The following MOV10L1 variants were observed in gnomAD, a reference collection of about 807,000 sequenced individuals.
MOV10L1 encodes RNA helicase Mov10l1.
MOV10L1 carries 110 observed loss-of-function variants against 143.8 expected under a neutral mutation model. The observed-to-expected ratio is 0.76, with a 90% CI of 0.66 to 0.90. MOV10L1 has a LOEUF of 0.90. Among genes scored for constraint, MOV10L1 ranks in the 40% least tolerant of loss-of-function variants. The pLI is 0.00. For synonymous variants in MOV10L1, 593 were observed against 581.1 expected (o/e 1.02, Z -0.29); for missense variants, 1,406 against 1,526.8 (o/e 0.92, Z 1.32).
intron 9 of MOV10L1, among the ~76,000 whole-genome samples, chr22:50,119,202 G>A (rs2062266572): frequency 6.6e-6 from 1 of 152,164 alleles, no homozygotes; most frequent in Non-Finnish European, 1.5e-5. Flanking sequence ...TTAACATATT[G>A]TGTGGGAGCG....
chr22:50,112,415 C>T (rs879563464), intron 5 of MOV10L1, among the ~76,000 whole-genome samples: 16 of 152,226 alleles, frequency 1.1e-4, no homozygotes, highest in Non-Finnish European at 1.9e-4. Flanking sequence ...GAAGCTGTGG[C>T]GTCCCATTCT....
chr22:50,094,008 G>A (rs1602106044), intron 2 of MOV10L1: 1 of 152,354 alleles, frequency 6.6e-6, no homozygotes, highest in Non-Finnish European at 1.5e-5. Context: ...CTTGTAAGGG[G>A]GCCCCATGGC....
intron 19 of MOV10L1, chr22:50,149,254 A>AT (rs2063231265): frequency 4.6e-6 from 1 of 217,802 alleles, no homozygotes. Flanking sequence ...GGGCATTTTG[A>AT]TAATGACAGG....
At chr22:50,137,588 C>T (rs2062854574) in intron 15 of MOV10L1, among the ~76,000 whole-genome samples, 1 of 151,876 alleles carries the variant, frequency 6.6e-6, no homozygotes, top group South Asian at 2.1e-4. Flanking sequence ...GCCTGTAGAC[C>T]TAGCTACTCA....
chr22:50,155,874 G>A (rs1470882933), intron 22 of MOV10L1, among the ~76,000 whole-genome samples: 1 of 152,134 alleles, frequency 6.6e-6, no homozygotes, highest in African/African-American at 2.4e-5. Context: ...AACATAGCAA[G>A]ACCCTGTCTC....
At chr22:50,161,125 C>A in intron 26 of MOV10L1, 70 bp downstream of exon 26, 1 of 1,459,936 alleles carries the variant, frequency 6.8e-7, no homozygotes. Flanking sequence ...CCCTCCCCTG[C>A]TCCCCTCACC....
chr22:50,113,075 G>A (rs149609004), intron 5 of MOV10L1, among the ~76,000 whole-genome samples: 141 of 152,314 alleles, frequency 9.3e-4, no homozygotes, highest in Non-Finnish European at 1.6e-3. Context: ...TTACCTTCTG[G>A]AAAGAGGTTG....
chr22:50,150,779 G>A lies in MOV10L1; in HGVS notation c.2772G>A (p.Lys924=). 1 of 1,614,178 alleles carries A rather than the reference G, an allele frequency of 6.2e-7. No individual in the cohort carries two copies. Among genetic ancestry groups the A allele is most frequent in the Non-Finnish European group, 8.5e-7 (1 of 1,180,026 alleles). The stretch of plus-strand genomic sequence containing the variant: ...CCATGCAGCTCGGCCCAGTCATTAA[G>A]TCCAGACTCGCCATGGCCTATGGGC... ...GDPMQLGPVI[K]SRLAMAYGLN... The change falls in exon 21 of 27, where the codon AAG becomes AAA. Residue 924 remains lysine, a synonymous_variant. Transcript: ENST00000262794.
intron 3 of MOV10L1, among the ~76,000 whole-genome samples, chr22:50,102,392 C>T (rs962740933): frequency 3.3e-5 from 5 of 152,200 alleles, no homozygotes; most frequent in African/African-American, 1.2e-4. Flanking sequence ...AAAGGTGCGG[C>T]TGTGTCCTCA....
At chr22:50,141,998 A>C in intron 15 of MOV10L1, 83 bp from the exon 16 acceptor site, 1 of 1,008,138 alleles carries the variant, frequency 9.9e-7, no homozygotes, top group Non-Finnish European at 1.5e-6. Flanking sequence ...GTAGAACACT[A>C]GATGTTTACG....
rs114725370 is a variant in MOV10L1 at position 50,115,336 on chromosome 22, G to A, written c.1259+90G>A. ...GTTATAAAAGGTACTCCTTTGTGGC[G>A]GGTGGATCACCTGAGACCAGGAGTT... On this transcript the variant is annotated intron_variant, in intron 8 of 26. Coordinates refer to ENST00000262794, the MANE Select transcript of MOV10L1 (RefSeq NM_018995.3). 1.5e-3 allele frequency: 2,059 copies of A among 1,365,602 alleles called. 32 individuals are homozygous for A. In the African/African-American group the frequency reaches 0.029, roughly 19 times the overall value. The allele number at this position is 1,365,602 out of a possible 1,614,324, so 84.6% of individuals were successfully genotyped here.
At chr22:50,148,420 T>C (rs2147397431) in intron 19 of MOV10L1, among the ~76,000 whole-genome samples, 1 of 152,310 alleles carries the variant, frequency 6.6e-6, no homozygotes, top group African/African-American at 2.4e-5. Flanking sequence ...TCCCACAGCC[T>C]TCCCATGCAA....
In MOV10L1 at chr22:50,126,241, A is replaced by C. The variant is rs765513272; in HGVS notation, c.1787A>C (p.His596Pro). 3.1e-6 allele frequency: 5 copies of C among 1,612,612 alleles called. No homozygotes were observed. The highest frequency in any genetic ancestry group is 4.2e-6 in the Non-Finnish European group (5 of 1,178,618). ...LILKTQEYNG[H>P]AIEYISYVTE... is the part of the protein sequence containing the mutation. Reference sequence around the variant, plus strand: ...TTAAAAACTCAAGAGTACAATGGACATGCCATCGAATACATCAGCTACGTG... The same window carrying C: ...TTAAAAACTCAAGAGTACAATGGACCTGCCATCGAATACATCAGCTACGTG... The change falls in exon 12 of 27, where the codon CAT becomes CCT. Residue 596 changes from histidine to proline, a missense_variant. By Grantham distance (77) the His-to-Pro change is moderately conservative. Transcript: ENST00000262794.
At chr22:50,113,574 C>A in intron 5 of MOV10L1, 74 bp from the exon 6 acceptor site, 2 of 1,566,632 alleles carry the variant, frequency 1.3e-6, no homozygotes, top group Non-Finnish European at 1.7e-6. Context: ...AGCAGTCTAT[C>A]CTCAGGAGCG....
Position 50,114,466 on chromosome 22 carries a change from G to T in MOV10L1, c.970G>T (p.Asp324Tyr). ...KSKQFRFQML[D>Y]KDQMCPVVSF... ...TAAACAATTCAGATTCCAAATGCTG[G>T]ATAAAGACCAGATGTGCCCCGTGGT... The change falls in exon 7 of 27, where the codon GAT becomes TAT. Residue 324 changes from aspartate (D) to tyrosine (Y), a missense_variant. This residue lies in a region of MOV10L1 where 1,233 missense variants were observed against 1,351.4 expected (regional missense o/e 0.91). Transcript: ENST00000262794. 1 of 1,614,182 alleles carries T rather than the reference G, an allele frequency of 6.2e-7. No homozygotes were observed.
chr22:50,113,409 A>G (rs2147138811), intron 5 of MOV10L1, among the ~76,000 whole-genome samples: 1 of 152,342 alleles, frequency 6.6e-6, no homozygotes, highest in East Asian at 1.9e-4. Context: ...CACCGTTCTC[A>G]GACTCCTTGC....
chr22:50,099,444 T>C lies in MOV10L1; in HGVS notation c.284T>C (p.Val95Ala). 6.2e-7 allele frequency: 1 copy of C among 1,613,664 alleles called. No homozygotes were observed. ...TAGAGCGGTGTGTTTGTTTTACAGG[T>C]AGAAGCTGTCTCTGATAAGTGGGAA... ...KVSNGLKAIR[V>A]EAVSDKWEDD... is the part of the protein sequence containing the mutation. Residue 95 changes from valine to alanine, a missense_variant and splice_region_variant, in exon 3 of 27, where the codon GTA becomes GCA. This residue lies in a region of MOV10L1 where 166 missense variants were observed against 153.9 expected (regional missense o/e 1.08). Transcript: ENST00000262794.
intron 21 of MOV10L1, 74 bp downstream of exon 21, chr22:50,150,973 C>T: frequency 1.3e-6 from 2 of 1,568,020 alleles, no homozygotes; most frequent in Admixed American, 3.5e-5. Context: ...GAGCAGCTCA[C>T]TCTTCTGTCC....
intron 22 of MOV10L1, among the ~76,000 whole-genome samples, chr22:50,155,634 T>A (rs1272739408): frequency 1.3e-5 from 2 of 152,110 alleles, no homozygotes; most frequent in Admixed American, 1.3e-4. Context: ...TGCCACCACG[T>A]CCGGCTAATT....
Sources: allele counts gnomAD v4.1 joint callset (sites outside exome capture counted in the v4.1 genomes callset), GRCh38; gene constraint gnomAD v4.1.1; regional missense constraint gnomAD v4.1.1; transcripts MANE v1.5; gene names NCBI Gene and HGNC (gene_info 2026-07-23, HGNC 2026-07-21).